Variants in AAK1 observed in about 807,000 individuals in gnomAD.
AAK1 encodes AP2 associated kinase 1.
In AAK1, 37 loss-of-function variants were observed where a neutral mutation model predicts 116.0. The ratio of observed to expected loss-of-function variants is 0.32; its 90% CI spans 0.25 to 0.42. The LOEUF (loss-of-function observed/expected upper bound fraction) is 0.42. Among genes scored for constraint, AAK1 ranks in the 10% least tolerant of loss-of-function variants. AAK1 has a pLI of 1.00. For missense variants in AAK1, 919 were observed against 1,170.6 expected, an observed-to-expected ratio of 0.79 and a Z score of 3.14; for synonymous variants, 458 against 439.9, an observed-to-expected ratio of 1.04 and a Z score of -0.51.
intron 3 of AAK1, among the ~76,000 whole-genome samples, chr2:69,553,423 T>C (rs1053171788): frequency 6.8e-6 from 1 of 148,126 alleles, no homozygotes; most frequent in Non-Finnish European, 1.5e-5. Context: ...AAGATACTTC[T>C]AGAATTGAAA....
chr2:69,621,820 A>G (rs1378293397), intron 2 of AAK1, among the ~76,000 whole-genome samples: 1 of 152,180 alleles, frequency 6.6e-6, no homozygotes, highest in Non-Finnish European at 1.5e-5. Context: ...TAGGCACTCA[A>G]ACTGAAAGCC....
intron 2 of AAK1, among the ~76,000 whole-genome samples, chr2:69,635,137 G>A (rs1260641675): frequency 6.6e-6 from 1 of 152,100 alleles, no homozygotes; most frequent in Non-Finnish European, 1.5e-5. Flanking sequence ...AATGGGCAAA[G>A]GACTTAAATA....
intron 2 of AAK1, among the ~76,000 whole-genome samples, chr2:69,619,740 A>G (rs1175121701): frequency 6.6e-6 from 1 of 152,166 alleles, no homozygotes; most frequent in East Asian, 1.9e-4. Flanking sequence ...CTTTGGGGCT[A>G]CCTAGAGGAC....
intron 2 of AAK1, among the ~76,000 whole-genome samples, chr2:69,560,044 G>A (rs1443033991): frequency 6.6e-6 from 1 of 152,186 alleles, no homozygotes; most frequent in Non-Finnish European, 1.5e-5. Context: ...AAGCAAATCA[G>A]TGAATCACTT....
chr2:69,513,991 G>C (rs1222267199), intron 13 of AAK1, among the ~76,000 whole-genome samples: 1 of 152,182 alleles, frequency 6.6e-6, no homozygotes, highest in Non-Finnish European at 1.5e-5. Flanking sequence ...ATGGTCTCAG[G>C]TAAGCAGGCC....
chr2:69,614,250 T>C (rs1333959123), intron 2 of AAK1, among the ~76,000 whole-genome samples: 1 of 151,922 alleles, frequency 6.6e-6, no homozygotes, highest in African/African-American at 2.4e-5. Context: ...AAACACAAAA[T>C]ACTGGTGAGA....
At chr2:69,612,157 T>C (rs141742008) in intron 2 of AAK1, among the ~76,000 whole-genome samples, 98 of 152,328 alleles carry the variant, frequency 6.4e-4, no homozygotes, top group African/African-American at 2.1e-3. Flanking sequence ...AAAAAAGTTA[T>C]CCAACTGGGG....
intron 2 of AAK1, among the ~76,000 whole-genome samples, chr2:69,621,106 G>A (rs892444918): frequency 6.6e-6 from 1 of 152,184 alleles, no homozygotes; most frequent in Non-Finnish European, 1.5e-5. Flanking sequence ...CTTTTAAGGA[G>A]GAAGCACGGT....
In AAK1 at chr2:69,468,705, AT is replaced by A. The variant is rs906283663; in HGVS notation, c.*7163del. 5 of 985,442 alleles carry A rather than the reference AT, an allele frequency of 5.1e-6. No homozygotes were observed. The African/African-American group carries it at 8.7e-5, about 17-fold the overall frequency. The allele number at this position is 985,442 out of a possible 1,614,324, so 61.0% of individuals were successfully genotyped here. On this transcript the variant is annotated 3_prime_UTR_variant, in exon 22 of 22. Transcript: ENST00000409085. ...CACAGAGACTGGCAAAAAAGCAGCT[AT>A]CTATTGAACCAGGGGCACTTTGGAT...
In AAK1 at chr2:69,500,692, TATATATACACACACACACACACACAC is replaced by T. The variant is rs893162902; in HGVS notation, c.2270-4638_2270-4613del. Reference sequence around the variant, plus strand: ...ATATATATATATATATATATATATATATATATACACACACACACACACACACACACACACACACACAACCATTTGCA... The same window carrying T: ...ATATATATATATATATATATATATATACACACACACACACAACCATTTGCA... On this transcript the variant is annotated intron_variant, in intron 16 of 21. Coordinates refer to ENST00000409085, the MANE Select transcript of AAK1 (RefSeq NM_014911.5). 2.6e-5 allele frequency among the ~76,000 whole-genome samples: 3 copies of T among 113,474 alleles called. No homozygotes were observed. In the Admixed American group the frequency reaches 2.9e-4, roughly 11 times the overall value. The allele number at this position is 113,474 out of a possible 152,430, so 74.4% of individuals were successfully genotyped here.
At chr2:69,558,007 C>T (rs1010916465) in intron 2 of AAK1, among the ~76,000 whole-genome samples, 19 of 152,108 alleles carry the variant, frequency 1.2e-4, no homozygotes, top group Non-Finnish European at 8.8e-5. Flanking sequence ...TTTTTAATGT[C>T]CACACTGACC....
chr2:69,484,687 C>T (rs1331955074), intron 17 of AAK1, among the ~76,000 whole-genome samples: 1 of 151,700 alleles, frequency 6.6e-6, no homozygotes, highest in East Asian at 1.9e-4. Flanking sequence ...CCAGCCTGAC[C>T]AACATGGCGA....
At chr2:69,487,618 T>G (rs1278063485) in intron 17 of AAK1, among the ~76,000 whole-genome samples, 1 of 152,190 alleles carries the variant, frequency 6.6e-6, no homozygotes, top group Non-Finnish European at 1.5e-5. Context: ...AGACTGACAC[T>G]GTTATTCTCA....
In AAK1 at chr2:69,617,754, G is replaced by T. The variant is rs550152978; in HGVS notation, c.163+25124C>A. The stretch of plus-strand genomic sequence containing the variant: ...AGCAGCACGCTGTGCCTGCTCCTGT[G>T]AAGGGATAAAGTGAAGAGCTGGAAG... On this transcript the variant is annotated intron_variant, in intron 2 of 21. Coordinates refer to ENST00000409085, the MANE Select transcript of AAK1 (RefSeq NM_014911.5). Among the ~76,000 whole-genome samples the T allele has an allele frequency of 2.0e-5, 3 of 152,328 alleles. No individual in the cohort carries two copies. The South Asian group carries it at 6.2e-4, about 32-fold the overall frequency.
At chr2:69,483,411 C>A (rs887928203) in intron 17 of AAK1, among the ~76,000 whole-genome samples, 1 of 152,152 alleles carries the variant, frequency 6.6e-6, no homozygotes, top group African/African-American at 2.4e-5. Flanking sequence ...CAATAGTTTG[C>A]TCTGTTTTTC....
At chr2:69,609,256 G>A (rs1436820448) in intron 2 of AAK1, among the ~76,000 whole-genome samples, 1 of 152,030 alleles carries the variant, frequency 6.6e-6, no homozygotes, top group Admixed American at 6.6e-5. Flanking sequence ...CCAGCTATTC[G>A]GGAGGCTGAG....
At chr2:69,565,294 A>C (rs913306236) in intron 2 of AAK1, among the ~76,000 whole-genome samples, 6 of 152,242 alleles carry the variant, frequency 3.9e-5, no homozygotes, top group Non-Finnish European at 8.8e-5. Context: ...TTTAGGTGAG[A>C]GCTCCTGATT....
At chr2:69,596,564 T>A (rs1310446860) in intron 2 of AAK1, among the ~76,000 whole-genome samples, 5 of 152,216 alleles carry the variant, frequency 3.3e-5, no homozygotes, top group Non-Finnish European at 7.3e-5. Flanking sequence ...ATACATTTCA[T>A]AAGGCAATAG....
Position 69,525,041 on chromosome 2 carries a change from T to C in AAK1, c.1047A>G (p.Pro349=). 1 of 1,613,966 alleles carries C rather than the reference T, an allele frequency of 6.2e-7. No individual in the cohort carries two copies. The highest frequency in any genetic ancestry group is 8.5e-7 in the Non-Finnish European group (1 of 1,179,838). ...ASEAAAKKTQ[P]KARLTDPIPT... ...ATGAAGGCATTTCTTACCTGGCCTT[T>C]GGCTGGGTCTTTTTTGCAGCTGCCT... The change falls in exon 10 of 22, where the codon CCA becomes CCG. Residue 349 remains proline (P), a synonymous_variant. Coordinates refer to ENST00000409085, the MANE Select transcript of AAK1 (RefSeq NM_014911.5).
Sources: gnomAD v4.1 joint callset for allele counts (sites outside exome capture counted in the v4.1 genomes callset) on GRCh38, gnomAD v4.1.1 for gene constraint, MANE v1.5 for transcripts, NCBI Gene and HGNC (gene_info 2026-07-23, HGNC 2026-07-21) for gene names.